The following DMD variants were observed in gnomAD, a reference collection of about 807,000 sequenced individuals.
DMD encodes dystrophin, also known as mutant dystrophin.
In DMD, 63 loss-of-function variants were observed where a neutral mutation model predicts 330.1. That is an observed-to-expected ratio of 0.19 (90% CI 0.16 to 0.24). The LOEUF is 0.24. Ranked by LOEUF, DMD falls within the 10% of genes least tolerant of loss-of-function variation. The pLI is 1.00. For synonymous variants in DMD, 1,223 were observed against 959.8 expected, an observed-to-expected ratio of 1.27 and a Z score of -5.07; for missense variants, 3,344 against 2,684.1, an observed-to-expected ratio of 1.25 and a Z score of -5.43.
At chrX:31,215,560 G>A (rs912113561) in intron 64 of DMD, among the ~76,000 whole-genome samples, 6 of 111,939 alleles carry the variant, frequency 5.4e-5, no homozygotes, top group Non-Finnish European at 9.4e-5. Flanking sequence ...TTATTAATCA[G>A]CTGTGTCAGG....
At chrX:32,959,342 A>C (rs2091775324) in intron 2 of DMD, among the ~76,000 whole-genome samples, 1 of 111,333 alleles carries the variant, frequency 9.0e-6, no homozygotes, top group African/African-American at 3.3e-5. Flanking sequence ...TGATGACCCT[A>C]GATCCAGGGA....
intron 30 of DMD, among the ~76,000 whole-genome samples, chrX:32,409,462 A>G (rs559228105): frequency 1.8e-5 from 2 of 111,690 alleles, no homozygotes; most frequent in African/African-American, 6.5e-5. Flanking sequence ...TTGCTATTAA[A>G]AACAAGTAAT....
At chrX:32,936,004 T>C (rs1032269779) in intron 2 of DMD, among the ~76,000 whole-genome samples, 1 of 112,098 alleles carries the variant, frequency 8.9e-6, no homozygotes, top group Admixed American at 9.4e-5. Context: ...TAAAAGACCT[T>C]ATTAAGCTTT....
At chrX:33,169,761 T>G (rs149002508) in intron 1 of DMD, among the ~76,000 whole-genome samples, 1,363 of 110,979 alleles carry the variant, frequency 0.012, 21 homozygotes, top group African/African-American at 0.042. Flanking sequence ...TAGTGGTGAA[T>G]TCTGAGATTT....
chrX:31,935,167 C>T (rs1299583398), intron 45 of DMD, among the ~76,000 whole-genome samples: 1 of 111,428 alleles, frequency 9.0e-6, no homozygotes, highest in Non-Finnish European at 1.9e-5. Context: ...TACATACTTA[C>T]TCTCAGTGAT....
rs1057515876 is a variant in DMD at position 32,573,833 on chromosome X, C to T, written c.1616G>A (p.Arg539Gln). 17 of 1,206,269 alleles carry T rather than the reference C, an allele frequency of 1.4e-5. No individual in the cohort carries two copies. Among genetic ancestry groups the T allele is most frequent in the Admixed American group, 2.2e-5 (1 of 45,650 alleles). Residue 539 changes from arginine (R) to glutamine (Q), a missense_variant, in exon 14 of 79, where the codon CGA (arginine) becomes CAA (glutamine). Transcript: ENST00000357033. The part of the protein sequence containing the change: ...LEEQLKVLGD[R>Q]WANICRWTED... Reference sequence around the variant, plus strand: ...TGTCCATCTACAGATGTTTGCCCATCGATCTCCCAATACCTGGAGAAGAGA... The same window carrying T: ...TGTCCATCTACAGATGTTTGCCCATTGATCTCCCAATACCTGGAGAAGAGA...
At chrX:32,006,159 G>T (rs1005220383) in intron 44 of DMD, among the ~76,000 whole-genome samples, 2 of 111,459 alleles carry the variant, frequency 1.8e-5, no homozygotes, top group Non-Finnish European at 3.8e-5. Flanking sequence ...CTATGTAATA[G>T]TATCCATTCT....
At chrX:32,250,374 C>A (rs2097258767) in intron 43 of DMD, among the ~76,000 whole-genome samples, 1 of 111,855 alleles carries the variant, frequency 8.9e-6, no homozygotes, top group African/African-American at 3.2e-5. Context: ...ATTTTCCTCA[C>A]TCTCTTTTTA....
chrX:32,776,575 T>A (rs2074171518), intron 7 of DMD, among the ~76,000 whole-genome samples: 1 of 110,545 alleles, frequency 9.0e-6, no homozygotes, highest in Admixed American at 9.6e-5. Flanking sequence ...GGGAAGGCTG[T>A]CAAATACTTT....
chrX:32,501,596 C>A (rs989803029), intron 19 of DMD, among the ~76,000 whole-genome samples, 159 bp downstream of exon 19: 10 of 111,461 alleles, frequency 9.0e-5, no homozygotes, highest in African/African-American at 3.3e-4. Context: ...CTAATAATTT[C>A]CTTAGCATTA....
rs1367241493 is a variant in DMD at position 31,120,305 on chromosome X, T to A, written c.*1614A>T. 9.0e-6 allele frequency: 1 copy of A among 111,685 alleles called. No individual in the cohort carries two copies. The highest frequency in any genetic ancestry group is 1.9e-5 in the Non-Finnish European group (1 of 53,000). The allele number at this position is 111,685 out of a possible 1,213,427, so 9.2% of individuals were successfully genotyped here. On this transcript the variant is annotated 3_prime_UTR_variant, in exon 79 of 79. Coordinates refer to ENST00000357033, the MANE Select transcript of DMD (RefSeq NM_004006.3). ...TTGTTTATATATTTAACCTGTCTAATCCACCAAGAAGGGTTTTTTTGTAAC... is the reference window on the plus strand; with the variant it reads ...TTGTTTATATATTTAACCTGTCTAAACCACCAAGAAGGGTTTTTTTGTAAC...
chrX:31,174,224 T>A (rs372571312), intron 71 of DMD, among the ~76,000 whole-genome samples: 3 of 111,713 alleles, frequency 2.7e-5, no homozygotes, highest in Non-Finnish European at 5.7e-5. Context: ...TTGTGAGGTT[T>A]TAAAAAAGAA....
intron 29 of DMD, among the ~76,000 whole-genome samples, chrX:32,417,353 G>A (rs768887189): frequency 1.2e-4 from 13 of 110,839 alleles, no homozygotes; most frequent in Admixed American, 2.9e-4. Flanking sequence ...TGTTTATTCC[G>A]TAAGGGGGAA....
intron 2 of DMD, among the ~76,000 whole-genome samples, chrX:33,006,606 C>T (rs929213453): frequency 1.8e-5 from 2 of 111,488 alleles, no homozygotes; most frequent in African/African-American, 3.3e-5. Context: ...GATCAAGTTA[C>T]TGCTACTGGA....
chrX:32,178,654 C>T lies in DMD; in HGVS notation c.6438+38262G>A, dbSNP rs895608387. On this transcript the variant is annotated intron_variant, in intron 44 of 78. Coordinates refer to ENST00000357033, the MANE Select transcript of DMD (RefSeq NM_004006.3). The stretch of plus-strand genomic sequence containing the variant: ...TGACCCTGGTAACCACTGTTTAATT[C>T]ACTATCTGTATATATTTGACCTTTT... Among the ~76,000 whole-genome samples the T allele has an allele frequency of 9.9e-5, 11 of 111,049 alleles. No individual in the cohort carries two copies. In the Admixed American group the frequency reaches 1.1e-3, roughly 11 times the overall value.
intron 1 of DMD, among the ~76,000 whole-genome samples, chrX:33,241,668 C>A (rs1328432771): frequency 8.9e-6 from 1 of 111,963 alleles, no homozygotes; most frequent in African/African-American, 3.2e-5. Flanking sequence ...CACAGAATAC[C>A]TTTCCATTTA....
chrX:32,509,035 C>A (rs2044974358), intron 18 of DMD, among the ~76,000 whole-genome samples: 1 of 109,547 alleles, frequency 9.1e-6, no homozygotes, highest in Non-Finnish European at 1.9e-5. Flanking sequence ...TGGTCTTGAT[C>A]TCCTGACTTC....
At chrX:31,726,603 G>A (rs1603451843) in intron 52 of DMD, among the ~76,000 whole-genome samples, 5 of 111,649 alleles carry the variant, frequency 4.5e-5, no homozygotes, top group Non-Finnish European at 7.5e-5. Context: ...TTTTGAACAC[G>A]ATCGAAAAGT....
chrX:32,162,590 CTTTTTTTTTTTTTTT>C (rs3040088), intron 44 of DMD, among the ~76,000 whole-genome samples: 1 of 43,241 alleles, frequency 2.3e-5, no homozygotes, highest in Non-Finnish European at 3.9e-5. Flanking sequence ...AAGCAACAAG[CTTTTTTTTTTTTTTT>C]TTTTTTTTTT....
Sources: gnomAD v4.1 joint callset for allele counts (sites outside exome capture counted in the v4.1 genomes callset) on GRCh38, gnomAD v4.1.1 for gene constraint, MANE v1.5 for transcripts, NCBI Gene and HGNC (gene_info 2026-07-23, HGNC 2026-07-21) for gene names.